ARHGAP25: variants seen among roughly 807,000 people sequenced by gnomAD.
ARHGAP25 encodes the protein Rho GTPase activating protein 25.
Under a neutral mutation model 71.0 loss-of-function variants are expected in ARHGAP25, and 34 were observed. That is an observed-to-expected ratio of 0.48 (90% CI 0.36 to 0.64). The LOEUF (loss-of-function observed/expected upper bound fraction) is 0.64, where lower values mean the gene tolerates loss of function less well. Among genes scored for constraint, ARHGAP25 ranks in the 30% least tolerant of loss-of-function variants. The pLI, the probability that ARHGAP25 is intolerant of heterozygous loss-of-function variation, is 0.00. For synonymous variants in ARHGAP25, 282 were observed against 296.5 expected, an observed-to-expected ratio of 0.95 and a Z score of 0.50; for missense variants, 706 against 805.1, an observed-to-expected ratio of 0.88 and a Z score of 1.49.
At chr2:68,769,053 C>T (rs1407599829) in intron 1 of ARHGAP25, among the ~76,000 whole-genome samples, 4 of 152,288 alleles carry the variant, frequency 2.6e-5, no homozygotes, top group Admixed American at 2.0e-4. Context: ...TCTTTGTCTC[C>T]TGCTCCTCCT....
intron 1 of ARHGAP25, among the ~76,000 whole-genome samples, chr2:68,755,255 A>G (rs1676406951): frequency 1.3e-5 from 2 of 152,104 alleles, no homozygotes; most frequent in East Asian, 1.9e-4. Flanking sequence ...ACACTTAAGC[A>G]TTATAAACAC....
chr2:68,782,132 C>G, intron 2 of ARHGAP25, 101 bp from the exon 3 acceptor site: 1 of 1,062,600 alleles, frequency 9.4e-7, no homozygotes, highest in Non-Finnish European at 1.4e-6. Context: ...TATCCTCCTA[C>G]TCTCCTCCCC....
intron 2 of ARHGAP25, among the ~76,000 whole-genome samples, chr2:68,711,684 G>A (rs916963380): frequency 2.6e-4 from 11 of 41,760 alleles, no homozygotes; most frequent in Non-Finnish European, 4.8e-4. Flanking sequence ...CCCACCCCCC[G>A]CAGGCCCCAG....
chr2:68,806,593 C>T (rs561373421), intron 4 of ARHGAP25, among the ~76,000 whole-genome samples: 1 of 152,330 alleles, frequency 6.6e-6, no homozygotes, highest in Non-Finnish European at 1.5e-5. Flanking sequence ...AACGTGGATA[C>T]ACTGGACAAA....
At chr2:68,724,773 G>A (rs973198092) in intron 2 of ARHGAP25, among the ~76,000 whole-genome samples, 7 of 152,072 alleles carry the variant, frequency 4.6e-5, no homozygotes, top group Non-Finnish European at 1.0e-4. Flanking sequence ...CTCAGCAAAC[G>A]GGACCTTCTC....
At chr2:68,772,962 T>G (rs1677582697) in intron 1 of ARHGAP25, among the ~76,000 whole-genome samples, 1 of 152,250 alleles carries the variant, frequency 6.6e-6, no homozygotes, top group Non-Finnish European at 1.5e-5. Flanking sequence ...TGATGATGTC[T>G]GTCCAATGGG....
intron 1 of ARHGAP25, chr2:68,735,597 T>A: frequency 2.6e-6 from 1 of 391,530 alleles, no homozygotes; most frequent in Non-Finnish European, 4.7e-6. Flanking sequence ...ATATTTTGAA[T>A]GGTTCTGAAC....
intron 2 of ARHGAP25, among the ~76,000 whole-genome samples, chr2:68,728,949 A>G (rs1674944137): frequency 2.6e-5 from 4 of 152,262 alleles, no homozygotes; most frequent in Admixed American, 2.6e-4. Context: ...ACATGCTGCA[A>G]TATGAATGAA....
upstream of ARHGAP25, among the ~76,000 whole-genome samples, chr2:68,734,682 AC>A (rs1420877643): frequency 3.9e-5 from 6 of 152,126 alleles, no homozygotes; most frequent in African/African-American, 1.4e-4. Flanking sequence ...ATTTCCAAAA[AC>A]CATTTTCTCA....
At chr2:68,810,985 A>G (rs893803674) in intron 5 of ARHGAP25, among the ~76,000 whole-genome samples, 1 of 151,518 alleles carries the variant, frequency 6.6e-6, no homozygotes, top group South Asian at 2.1e-4. Context: ...CAAGTTCTCC[A>G]CCCGCCTTGG....
At chr2:68,722,140 A>G (rs942543067) in intron 2 of ARHGAP25, among the ~76,000 whole-genome samples, 1 of 152,236 alleles carries the variant, frequency 6.6e-6, no homozygotes, top group Admixed American at 6.5e-5. Context: ...TTGCAGCCTG[A>G]TAGGCCTTTT....
At chr2:68,804,689 A>C (rs1204654432) in intron 4 of ARHGAP25, among the ~76,000 whole-genome samples, 8 of 152,242 alleles carry the variant, frequency 5.3e-5, no homozygotes, top group African/African-American at 1.9e-4. Flanking sequence ...GTGCTGGCAC[A>C]TGGCAGGGCA....
At position 68,813,279 on chromosome 2, in the gene ARHGAP25, T is replaced by C. The variant is rs114063280; in HGVS notation, c.675-8T>C. The C allele has an allele frequency of 6.7e-4, 1,077 of 1,603,174 alleles. 8 individuals are homozygous for C. In the African/African-American group the frequency reaches 0.013, roughly 19 times the overall value. On this transcript the variant is annotated splice_region_variant and splice_polypyrimidine_tract_variant and intron_variant, in intron 5 of 10. Coordinates refer to ENST00000409202, the MANE Select transcript of ARHGAP25 (RefSeq NM_001007231.3). ...GAGTTTCACAGAGCGTTGCTTATTT[T>C]CTTCCAGAGACACAGATGTGCACAC...
intron 4 of ARHGAP25, among the ~76,000 whole-genome samples, chr2:68,797,477 A>G (rs151328658): frequency 0.016 from 2,485 of 152,264 alleles, 30 homozygotes; most frequent in Middle Eastern, 0.031. Flanking sequence ...GCCATAGGAG[A>G]TGCCATTCAG....
intron 10 of ARHGAP25, 99 bp downstream of exon 10, chr2:68,822,971 C>T (rs1681824431): frequency 7.8e-7 from 1 of 1,277,700 alleles, no homozygotes; most frequent in Non-Finnish European, 1.1e-6. Flanking sequence ...CATAAAGCTT[C>T]AATTTGGGGA....
chr2:68,807,558 T>C (rs1680465683), intron 5 of ARHGAP25, 78 bp downstream of exon 5: 3 of 1,420,440 alleles, frequency 2.1e-6, no homozygotes, highest in Non-Finnish European at 3.0e-6. Context: ...TCCATTCCAG[T>C]TGAGCTATGG....
intron 2 of ARHGAP25, 104 bp from the exon 3 acceptor site, chr2:68,782,129 C>T (rs1354421062): frequency 1.4e-5 from 14 of 1,033,354 alleles, no homozygotes; most frequent in Non-Finnish European, 4.4e-6. Context: ...CCCTATCCTC[C>T]TACTCTCCTC....
intron 4 of ARHGAP25, among the ~76,000 whole-genome samples, chr2:68,805,183 A>G (rs1259802569): frequency 6.6e-6 from 1 of 152,140 alleles, no homozygotes; most frequent in Non-Finnish European, 1.5e-5. Flanking sequence ...GTTCAAGGAC[A>G]TGGAGACTGC....
At chr2:68,758,510 A>G (rs1361785998) in intron 1 of ARHGAP25, among the ~76,000 whole-genome samples, 1 of 151,970 alleles carries the variant, frequency 6.6e-6, no homozygotes, top group East Asian at 1.9e-4. Context: ...TACAAGAAAC[A>G]AAGAAAAACA....
Sources: gnomAD v4.1 joint callset for allele counts (sites outside exome capture counted in the v4.1 genomes callset) on GRCh38, gnomAD v4.1.1 for gene constraint, MANE v1.5 for transcripts, NCBI Gene and HGNC (gene_info 2026-07-23, HGNC 2026-07-21) for gene names.